DYM: variants seen among roughly 807,000 people sequenced by gnomAD.
The protein encoded by DYM is dyggve-Melchior-Clausen syndrome protein.
A neutral mutation model predicts 93.1 loss-of-function variants in DYM; 78 were observed. The observed-to-expected ratio is 0.84, with a 90% CI of 0.70 to 1.01. The LOEUF (loss-of-function observed/expected upper bound fraction) is 1.01, where lower values mean the gene tolerates loss of function less well. Among genes scored for constraint, DYM ranks in the 50% least tolerant of loss-of-function variants. DYM has a pLI of 0.00. For synonymous variants in DYM, 321 were observed against 319.7 expected (o/e 1.00, Z -0.04); for missense variants, 789 against 845.0 (o/e 0.93, Z 0.82).
At chr18:49,073,839 G>T (rs2077092946) in intron 17 of DYM, among the ~76,000 whole-genome samples, 1 of 151,698 alleles carries the variant, frequency 6.6e-6, no homozygotes, top group Non-Finnish European at 1.5e-5. Flanking sequence ...TTCTTTTTTT[G>T]ACTTCAATTT....
intron 15 of DYM, among the ~76,000 whole-genome samples, chr18:49,150,107 T>C (rs767205603): frequency 5.3e-5 from 8 of 152,174 alleles, no homozygotes; most frequent in Non-Finnish European, 1.2e-4. Context: ...ATAATGGGTA[T>C]GGGAAATTTA....
intron 14 of DYM, among the ~76,000 whole-genome samples, chr18:49,207,640 A>G (rs1033704650): frequency 6.6e-6 from 1 of 152,222 alleles, no homozygotes; most frequent in African/African-American, 2.4e-5. Flanking sequence ...TTCTGTCTGA[A>G]GACCACAGCA....
In DYM at chr18:49,156,758, G is replaced by T. The variant is rs776378316; in HGVS notation, c.1728+6927C>A. Among the ~76,000 whole-genome samples the T allele has an allele frequency of 2.5e-3, 367 of 148,852 alleles. 1 individual carries two copies. The highest frequency in any genetic ancestry group is 3.8e-3 in the Non-Finnish European group (258 of 67,160). Reference sequence around the variant, plus strand: ...AAAAAAAAAAAAAAAAAAAAAAAGTGTGGAAGACAGCATTTCTACCTACAT... The same window carrying T: ...AAAAAAAAAAAAAAAAAAAAAAAGTTTGGAAGACAGCATTTCTACCTACAT... On this transcript the variant is annotated intron_variant, in intron 15 of 17. Coordinates refer to ENST00000675505, the MANE Select transcript of DYM (RefSeq NM_001353214.3).
chr18:49,147,020 A>G (rs1169133225), intron 15 of DYM, among the ~76,000 whole-genome samples: 1 of 152,200 alleles, frequency 6.6e-6, no homozygotes, highest in East Asian at 1.9e-4. Context: ...GGAACAGAAC[A>G]GAGCCCTCAG....
intron 13 of DYM, among the ~76,000 whole-genome samples, chr18:49,250,092 G>A (rs2094253551): frequency 6.6e-6 from 1 of 152,186 alleles, no homozygotes; most frequent in African/African-American, 2.4e-5. Context: ...ATAGCCAGAT[G>A]CTAATCAACT....
At chr18:49,377,859 A>G (rs1196635408) in intron 5 of DYM, among the ~76,000 whole-genome samples, 11 of 152,146 alleles carry the variant, frequency 7.2e-5, no homozygotes, top group Admixed American at 6.5e-5. Flanking sequence ...ACACATCTCA[A>G]AGTTCTCTCC....
At chr18:49,235,674 A>G (rs2093838103) in intron 13 of DYM, among the ~76,000 whole-genome samples, 1 of 152,088 alleles carries the variant, frequency 6.6e-6, no homozygotes, top group South Asian at 2.1e-4. Context: ...TACTTACGAG[A>G]TAGAATAAGA....
intron 17 of DYM, among the ~76,000 whole-genome samples, chr18:49,089,326 A>G (rs1342266770): frequency 6.6e-6 from 1 of 152,230 alleles, no homozygotes; most frequent in Non-Finnish European, 1.5e-5. Flanking sequence ...CATATGCAAC[A>G]TTTAAAAGGC....
At chr18:49,372,744 G>A (rs192369781) in intron 5 of DYM, among the ~76,000 whole-genome samples, 14,362 of 151,806 alleles carry the variant, frequency 0.095, 867 homozygotes, top group East Asian at 0.31. Flanking sequence ...GACTCTGCCT[G>A]AAAAAGAAAA....
intron 8 of DYM, among the ~76,000 whole-genome samples, chr18:49,327,547 G>C (rs1363464432): frequency 6.6e-6 from 1 of 151,864 alleles, no homozygotes; most frequent in African/African-American, 2.4e-5. Flanking sequence ...TATAGAGGTG[G>C]TGTCTCACTA....
In DYM at chr18:49,245,269, T is replaced by C. The variant is rs960432911; in HGVS notation, c.1460+11741A>G. Among the ~76,000 whole-genome samples, 3 of 152,300 alleles carry C rather than the reference T, an allele frequency of 2.0e-5. No individual in the cohort carries two copies. In the South Asian group the frequency reaches 6.2e-4, roughly 32 times the overall value. The stretch of plus-strand genomic sequence containing the variant: ...ATGTATTTGAACAGTATGAAATCAG[T>C]GCACCCTGAAAAAGAACAGAATAAC... On this transcript the variant is annotated intron_variant, in intron 13 of 17. Coordinates refer to ENST00000675505, the MANE Select transcript of DYM (RefSeq NM_001353214.3).
At chr18:49,103,334 G>T (rs28890857) in intron 16 of DYM, among the ~76,000 whole-genome samples, 1 of 151,858 alleles carries the variant, frequency 6.6e-6, no homozygotes, top group African/African-American at 2.4e-5. Context: ...ATGGGTAGAT[G>T]GCAAAAATTT....
At chr18:49,242,557 A>G (rs2094043456) in intron 13 of DYM, among the ~76,000 whole-genome samples, 1 of 152,236 alleles carries the variant, frequency 6.6e-6, no homozygotes, top group South Asian at 2.1e-4. Context: ...CACAGCCTCT[A>G]GATGGGTTGT....
chr18:49,345,806 G>GA (rs535999249), intron 6 of DYM, among the ~76,000 whole-genome samples: 5 of 152,026 alleles, frequency 3.3e-5, no homozygotes, highest in Non-Finnish European at 5.9e-5. Flanking sequence ...CAGGCAAACT[G>GA]AAAAAAATAT....
intron 17 of DYM, among the ~76,000 whole-genome samples, chr18:49,088,555 A>G (rs1401266242): frequency 1.3e-5 from 2 of 151,908 alleles, no homozygotes; most frequent in Non-Finnish European, 2.9e-5. Context: ...GAACTTAAAA[A>G]AAAAAAAAAA....
intron 17 of DYM, among the ~76,000 whole-genome samples, chr18:49,067,231 G>A (rs2076492208): frequency 7.8e-6 from 1 of 128,892 alleles, no homozygotes; most frequent in East Asian, 2.7e-4. Flanking sequence ...GTTCAGTAGA[G>A]GAAGGAGTGG....
chr18:49,297,561 A>G (rs890029613), intron 8 of DYM, among the ~76,000 whole-genome samples: 1 of 152,224 alleles, frequency 6.6e-6, no homozygotes. Flanking sequence ...TTAAATAAAA[A>G]GTTTACCATT....
At chr18:49,213,767 C>T (rs1222015536) in intron 13 of DYM, among the ~76,000 whole-genome samples, 2 of 152,082 alleles carry the variant, frequency 1.3e-5, no homozygotes, top group Non-Finnish European at 2.9e-5. Flanking sequence ...TTTGAGAAAG[C>T]TCATTAGTAG....
intron 2 of DYM, among the ~76,000 whole-genome samples, chr18:49,404,952 G>A (rs865826729): frequency 1.3e-5 from 2 of 150,090 alleles, no homozygotes; most frequent in African/African-American, 4.9e-5. Flanking sequence ...GGCAGAGGTT[G>A]CAGTGCGCCA....
Sources: gnomAD v4.1 joint callset for allele counts (sites outside exome capture counted in the v4.1 genomes callset) on GRCh38, gnomAD v4.1.1 for gene constraint, MANE v1.5 for transcripts, NCBI Gene and HGNC (gene_info 2026-07-23, HGNC 2026-07-21) for gene names.